Variants in EPHB2 observed in about 807,000 individuals in gnomAD.
EPHB2 encodes the protein ephrin type-B receptor 2.
In EPHB2, 18 loss-of-function variants were observed where a neutral mutation model predicts 96.4. That is an observed-to-expected ratio of 0.19 (90% CI 0.13 to 0.28). The LOEUF is 0.28. EPHB2 is among the 10% of genes least tolerant of loss of function. The pLI is 1.00. For synonymous variants in EPHB2, 506 were observed against 534.1 expected, an observed-to-expected ratio of 0.95 and a Z score of 0.72; for missense variants, 989 against 1,355.4, an observed-to-expected ratio of 0.73 and a Z score of 4.25.
rs1240448962 is a variant in EPHB2 at position 22,784,582 on chromosome 1, C to T, written c.317C>T (p.Ser106Phe). 6.2e-7 allele frequency: 1 copy of T among 1,614,154 alleles called. No homozygotes were observed. Among genetic ancestry groups the T allele is most frequent in the Non-Finnish European group, 8.5e-7 (1 of 1,180,030 alleles). ...DCSSIPSVPG[S>F]CKETFNLYYY... ...AGCAGCATCCCCAGCGTGCCTGGCT[C>T]CTGCAAGGAGACCTTCAACCTCTAT... Residue 106 changes from serine to phenylalanine, a missense_variant, in exon 3 of 16, where the codon TCC (serine) becomes TTC (phenylalanine). Transcript: ENST00000374630. The surrounding 1 kb of genome is among the most constrained non-coding windows in gnomAD (Gnocchi z 5.1).
At chr1:22,774,888 A>T (rs1355058157) in intron 1 of EPHB2, among the ~76,000 whole-genome samples, 3 of 152,156 alleles carry the variant, frequency 2.0e-5, no homozygotes, top group African/African-American at 4.8e-5. Context: ...GAAGAACAGG[A>T]TTCACCTACA....
chr1:22,715,016 GA>G (rs1643254957), intron 1 of EPHB2, among the ~76,000 whole-genome samples: 1 of 152,184 alleles, frequency 6.6e-6, no homozygotes, highest in Non-Finnish European at 1.5e-5. Flanking sequence ...TAAACTCCAG[GA>G]CTTCATCTGC....
intron 3 of EPHB2, among the ~76,000 whole-genome samples, chr1:22,849,394 C>A (rs1385065042): frequency 6.6e-6 from 1 of 152,212 alleles, no homozygotes; most frequent in Non-Finnish European, 1.5e-5. Context: ...CCTTCTCTCA[C>A]CCACTAGACT....
chr1:22,855,103 C>G (rs1036803494), intron 3 of EPHB2, among the ~76,000 whole-genome samples: 1 of 152,222 alleles, frequency 6.6e-6, no homozygotes. Context: ...TGCCAGGCAG[C>G]GCCTTCCTTG....
intron 7 of EPHB2, among the ~76,000 whole-genome samples, chr1:22,894,610 AAG>A (rs1237119852): frequency 1.8e-4 from 28 of 151,974 alleles, no homozygotes; most frequent in Admixed American, 6.5e-4. Flanking sequence ...AAAAAAAAAA[AAG>A]AAGTAAAAAT....
At chr1:22,747,004 G>C (rs1053462682) in intron 1 of EPHB2, among the ~76,000 whole-genome samples, 1 of 152,220 alleles carries the variant, frequency 6.6e-6, no homozygotes, top group African/African-American at 2.4e-5. Flanking sequence ...CAGGTGGTGA[G>C]AGCAGGAGAG....
intron 9 of EPHB2, 97 bp downstream of exon 9, chr1:22,896,575 G>A (rs1314281376): frequency 3.3e-6 from 5 of 1,501,424 alleles, no homozygotes; most frequent in Non-Finnish European, 4.6e-6. Context: ...CTGCCATGCT[G>A]CAGGCAGACA....
At chr1:22,840,397 A>G (rs1427244875) in intron 3 of EPHB2, among the ~76,000 whole-genome samples, 1 of 152,214 alleles carries the variant, frequency 6.6e-6, no homozygotes, top group African/African-American at 2.4e-5. Flanking sequence ...ATTGTTAGAA[A>G]TCAAGCCTAG....
chr1:22,919,212 G>A lies in EPHB2; in HGVS notation c.*5642G>A, dbSNP rs1389153753. The A allele has an allele frequency of 6.6e-6, 1 of 152,282 alleles. No individual in the cohort carries two copies. Among genetic ancestry groups the A allele is most frequent in the African/African-American group, 2.4e-5 (1 of 41,454 alleles). The allele number at this position is 152,282 out of a possible 1,614,324, so 9.4% of individuals were successfully genotyped here. ...CCTGATGTCTGCAGAGAGAGGGTCTGCTGTAGACAGGGATTAAGAAAAAGC... is the reference window on the plus strand; with the variant it reads ...CCTGATGTCTGCAGAGAGAGGGTCTACTGTAGACAGGGATTAAGAAAAAGC... On this transcript the variant is annotated 3_prime_UTR_variant, in exon 16 of 16. Coordinates refer to ENST00000374630, the MANE Select transcript of EPHB2 (RefSeq NM_017449.5).
chr1:22,715,402 G>T (rs1643267804), intron 1 of EPHB2, among the ~76,000 whole-genome samples: 1 of 152,032 alleles, frequency 6.6e-6, no homozygotes, highest in African/African-American at 2.4e-5. Context: ...GGGGAAGCCT[G>T]CCTCCCTCCC....
chr1:22,793,155 T>G (rs1324620383), intron 3 of EPHB2, among the ~76,000 whole-genome samples: 2 of 152,182 alleles, frequency 1.3e-5, no homozygotes, highest in Admixed American at 1.3e-4. Context: ...TTCTCTCTGG[T>G]CTTCAAATTC....
chr1:22,774,303 G>A (rs1644418301), intron 1 of EPHB2, among the ~76,000 whole-genome samples: 2 of 152,190 alleles, frequency 1.3e-5, no homozygotes, highest in Admixed American at 1.3e-4. Flanking sequence ...TGAGGGAAGG[G>A]CCTGCTGATC....
intron 5 of EPHB2, among the ~76,000 whole-genome samples, chr1:22,869,571 AG>A (rs1638590973): frequency 6.6e-6 from 1 of 152,078 alleles, no homozygotes; most frequent in South Asian, 2.1e-4. Context: ...TCTAGCAAGC[AG>A]AGATGGAATC....
At chr1:22,832,488 A>G (rs1435783923) in intron 3 of EPHB2, among the ~76,000 whole-genome samples, 1 of 152,182 alleles carries the variant, frequency 6.6e-6, no homozygotes, top group African/African-American at 2.4e-5. Flanking sequence ...CAGAGAGGTT[A>G]AGGGACTTGT....
chr1:22,770,582 A>C (rs1356463570), intron 1 of EPHB2, among the ~76,000 whole-genome samples: 1 of 152,216 alleles, frequency 6.6e-6, no homozygotes, highest in Non-Finnish European at 1.5e-5. Flanking sequence ...TTATAAGATT[A>C]AACCTGCATG....
chr1:22,854,669 G>A (rs139479879), intron 3 of EPHB2, among the ~76,000 whole-genome samples: 112 of 152,272 alleles, frequency 7.4e-4, no homozygotes, highest in African/African-American at 2.5e-3. Flanking sequence ...GTGGTCCAAG[G>A]AGGCCATGGA....
At chr1:22,819,205 GTCTCTCTCTCTC>G (rs71020453) in intron 3 of EPHB2, among the ~76,000 whole-genome samples, 1,143 of 103,466 alleles carry the variant, frequency 0.011, 12 homozygotes, top group African/African-American at 0.036. Flanking sequence ...CCCAGCAGAT[GTCTCTCTCTCTC>G]TCTCTCTCTC....
chr1:22,819,023 T>C (rs1463672327), intron 3 of EPHB2, among the ~76,000 whole-genome samples: 3 of 147,830 alleles, frequency 2.0e-5, no homozygotes, highest in East Asian at 4.1e-4. Context: ...CCTGGCTCAC[T>C]GGGGGCAGCT....
chr1:22,799,613 G>A (rs1570298531), intron 3 of EPHB2, among the ~76,000 whole-genome samples: 1 of 152,184 alleles, frequency 6.6e-6, no homozygotes, highest in Non-Finnish European at 1.5e-5. Context: ...CTAAATGCTC[G>A]AAGTCATGAC....
Sources: gnomAD v4.1 joint callset for allele counts (sites outside exome capture counted in the v4.1 genomes callset) on GRCh38, gnomAD v4.1.1 for gene constraint, Gnocchi (gnomAD v3.1) non-coding constraint, MANE v1.5 for transcripts, NCBI Gene and HGNC (gene_info 2026-07-23, HGNC 2026-07-21) for gene names.